ADAMTS18: variants seen among roughly 807,000 people sequenced by gnomAD.
The protein encoded by ADAMTS18 is ADAM metallopeptidase with thrombospondin type 1 motif 18.
In ADAMTS18, 157 loss-of-function variants were observed where a neutral mutation model predicts 165.9. The ratio of observed to expected loss-of-function variants is 0.95; its 90% confidence interval spans 0.83 to 1.08. The LOEUF (loss-of-function observed/expected upper bound fraction) is 1.08, where lower values mean the gene tolerates loss of function less well. Ranked by LOEUF, ADAMTS18 falls within the 50% of genes least tolerant of loss-of-function variation. The pLI is 0.00. For missense variants in ADAMTS18, 2,040 were observed against 1,534.0 expected (o/e 1.33, Z -5.51); for synonymous variants, 782 against 578.2 (o/e 1.35, Z -5.06).
intron 10 of ADAMTS18, among the ~76,000 whole-genome samples, chr16:77,350,540 G>C (rs1047789284): frequency 1.3e-5 from 2 of 152,164 alleles, no homozygotes; most frequent in African/African-American, 4.8e-5. Flanking sequence ...TAAGGCTAAG[G>C]GAGGTTGAGT....
intron 11 of ADAMTS18, among the ~76,000 whole-genome samples, chr16:77,340,108 G>C (rs1482208533): frequency 6.6e-6 from 1 of 152,076 alleles, no homozygotes; most frequent in Admixed American, 6.6e-5. Flanking sequence ...GCTTAGAGAA[G>C]GTGTCTTTAA....
Position 77,434,833 on chromosome 16 carries a change from C to A in ADAMTS18, c.-138G>T. ...GTGAGAGCCGCCGCCGTTCACATCG[C>A]AGCGGGGGCGCGCTGGGACCTCCCC... On this transcript the variant is annotated 5_prime_UTR_variant, in exon 1 of 23. Coordinates refer to ENST00000282849, the MANE Select transcript of ADAMTS18 (RefSeq NM_199355.4). 3.0e-6 allele frequency: 2 copies of A among 670,626 alleles called. No individual in the cohort carries two copies. The highest frequency in any genetic ancestry group is 4.3e-6 in the Non-Finnish European group (2 of 470,318). 41.5% of individuals were successfully genotyped at this position (670,626 alleles called of 1,614,324 possible).
intron 17 of ADAMTS18, among the ~76,000 whole-genome samples, chr16:77,298,188 TTA>T (rs944734303): frequency 8.5e-5 from 13 of 152,158 alleles, no homozygotes; most frequent in Middle Eastern, 3.4e-3. Context: ...AGTGCTGGTA[TTA>T]TAGTCATGAG....
Position 77,321,222 on chromosome 16 carries a change from C to A in ADAMTS18, c.2164-20G>T. 2 of 1,613,868 alleles carry A rather than the reference C, an allele frequency of 1.2e-6. No individual in the cohort carries two copies. Among genetic ancestry groups the A allele is most frequent in the Non-Finnish European group, 1.7e-6 (2 of 1,179,978 alleles). The stretch of plus-strand genomic sequence containing the variant: ...CACTAGCTGTGACAAAAACAAAAAA[C>A]GTGAGAAAATAAAAGATCAGAGAAG... On this transcript the variant is annotated intron_variant, in intron 14 of 22. Transcript: ENST00000282849.
chr16:77,431,881 C>T (rs2057744799), intron 2 of ADAMTS18: 1 of 526,150 alleles, frequency 1.9e-6, no homozygotes, highest in Non-Finnish European at 3.4e-6. Flanking sequence ...TAACACCTCT[C>T]ATTGTCTGGA....
At chr16:77,302,004 C>CTTTTTTTTTTTTTTT (rs4038557) in intron 16 of ADAMTS18, among the ~76,000 whole-genome samples, 1 of 128,816 alleles carries the variant, frequency 7.8e-6, no homozygotes, top group Non-Finnish European at 1.6e-5. Flanking sequence ...CTAGTCTTTG[C>CTTTTTTTTTTTTTTT]TTTTTTTTTT....
intron 13 of ADAMTS18, among the ~76,000 whole-genome samples, chr16:77,325,230 G>C (rs1039290614): frequency 6.6e-6 from 1 of 152,138 alleles, no homozygotes; most frequent in African/African-American, 2.4e-5. Flanking sequence ...GAAACAACTA[G>C]GATGATGACA....
At chr16:77,296,257 T>C (rs138109502) in intron 18 of ADAMTS18, among the ~76,000 whole-genome samples, 1 of 152,244 alleles carries the variant, frequency 6.6e-6, no homozygotes, top group Non-Finnish European at 1.5e-5. Flanking sequence ...CAAACAATAG[T>C]GTGGCTAAAG....
chr16:77,420,039 C>T (rs2057582053), intron 3 of ADAMTS18, among the ~76,000 whole-genome samples: 1 of 141,022 alleles, frequency 7.1e-6, no homozygotes, highest in African/African-American at 2.6e-5. Context: ...CGACCTCCTA[C>T]ATTTTAGACA....
In ADAMTS18 at chr16:77,289,394, C is replaced by T. The variant is rs1251469234; in HGVS notation, c.3420G>A (p.Gly1140=). The change falls in exon 22 of 23, where the codon GGG becomes GGA. Residue 1140 remains glycine (G), a synonymous_variant. Coordinates refer to ENST00000282849, the MANE Select transcript of ADAMTS18 (RefSeq NM_199355.4). ...LPWQQCTVTC[G]GGVQTRSVHC... ...GGACTGACCGGGTCTGGACCCCTCC[C>T]CCACAGGTGACTGTGCACTGCAGCA... The T allele has an allele frequency of 1.2e-6, 2 of 1,613,944 alleles. No homozygotes were observed. Among genetic ancestry groups the T allele is most frequent in the Admixed American group, 3.3e-5 (2 of 59,992 alleles).
intron 22 of ADAMTS18, among the ~76,000 whole-genome samples, chr16:77,288,399 A>ATTTT (rs72443461): frequency 2.5e-4 from 38 of 149,728 alleles, no homozygotes; most frequent in Non-Finnish European, 4.6e-4. Flanking sequence ...CTACAGAGCT[A>ATTTT]TTTTTTTTTT....
At chr16:77,353,964 C>T in intron 9 of ADAMTS18, 78 bp from the exon 10 acceptor site, 1 of 1,550,280 alleles carries the variant, frequency 6.5e-7, no homozygotes, top group Non-Finnish European at 8.9e-7. Context: ...CTTCTGAATG[C>T]ATTCATGCAA....
At chr16:77,429,961 C>T (rs1172812195) in intron 3 of ADAMTS18, among the ~76,000 whole-genome samples, 1 of 152,130 alleles carries the variant, frequency 6.6e-6, no homozygotes, top group Admixed American at 6.5e-5. Flanking sequence ...TGTCTAAGGT[C>T]CTATGAGTAA....
chr16:77,290,981 T>TCAGACTCGAGTGGTAGTTTCCGTAGCAAC, intron 21 of ADAMTS18: 1 of 481,206 alleles, frequency 2.1e-6, no homozygotes. Context: ...TGACCAACAT[T>TCAGACTCGAGTGGTAGTTTCCGTAGCAAC]AGCAGTGTAT....
rs1377566205 is a variant in ADAMTS18, at chr16:77,353,852, TG to T, written c.1494del (p.Lys499SerfsTer39). The T allele has an allele frequency of 1.2e-6, 2 of 1,614,178 alleles. No individual in the cohort carries two copies. ...GGATATTTATACTGTCCTGCTTGCT[TG>T]GGCTCATCCACTAGACACCCCGCCT... ...TPQAGCLVDE[P>X]KQAGQYKYPD... On this transcript the variant is annotated frameshift_variant, in exon 10 of 23. Coordinates refer to ENST00000282849, the MANE Select transcript of ADAMTS18 (RefSeq NM_199355.4). LOFTEE classifies it high-confidence loss of function.
At chr16:77,333,319 A>G (rs980121536) in intron 12 of ADAMTS18, among the ~76,000 whole-genome samples, 1 of 152,070 alleles carries the variant, frequency 6.6e-6, no homozygotes, top group Non-Finnish European at 1.5e-5. Context: ...GTGGGGAGCA[A>G]GGGGAGGGAG....
At chr16:77,405,354 C>T (rs2057380768) in intron 3 of ADAMTS18, among the ~76,000 whole-genome samples, 1 of 152,152 alleles carries the variant, frequency 6.6e-6, no homozygotes, top group African/African-American at 2.4e-5. Flanking sequence ...ATGTCCAATC[C>T]TGCATCCAAT....
intron 3 of ADAMTS18, among the ~76,000 whole-genome samples, chr16:77,380,320 G>C (rs1431444473): frequency 6.6e-6 from 1 of 152,168 alleles, no homozygotes; most frequent in African/African-American, 2.4e-5. Context: ...GCTCTTAATA[G>C]ATATTAATAA....
At chr16:77,341,509 T>A (rs760533363) in intron 11 of ADAMTS18, among the ~76,000 whole-genome samples, 195 bp downstream of exon 11, 2 of 152,164 alleles carry the variant, frequency 1.3e-5, no homozygotes, top group African/African-American at 2.4e-5. Context: ...AAAAAAAATC[T>A]TCTTAAACAA....
Sources: allele counts gnomAD v4.1 joint callset (sites outside exome capture counted in the v4.1 genomes callset), GRCh38; gene constraint gnomAD v4.1.1; transcripts MANE v1.5; gene names NCBI Gene and HGNC (gene_info 2026-07-23, HGNC 2026-07-21).